ADGRV1: variants seen among roughly 807,000 people sequenced by gnomAD.
ADGRV1 encodes the protein G-protein coupled receptor 98.
ADGRV1 carries 359 observed loss-of-function variants against 596.2 expected under a neutral mutation model. The observed-to-expected ratio is 0.60, with a 90% confidence interval of 0.55 to 0.66. ADGRV1 has a LOEUF of 0.66. ADGRV1 is among the 30% of genes least tolerant of loss of function. The pLI is 0.00. For synonymous variants in ADGRV1, 2,681 were observed against 2,679.2 expected, an observed-to-expected ratio of 1.00 and a Z score of -0.02; for missense variants, 7,274 against 7,575.6, an observed-to-expected ratio of 0.96 and a Z score of 1.48.
intron 21 of ADGRV1, among the ~76,000 whole-genome samples, chr5:90,671,189 T>C (rs1287403664): frequency 6.6e-6 from 1 of 152,184 alleles, no homozygotes; most frequent in Non-Finnish European, 1.5e-5. Flanking sequence ...GTGTCCCCAA[T>C]AACTAGAATG....
chr5:90,807,097 C>A (rs551614120), intron 72 of ADGRV1, among the ~76,000 whole-genome samples: 1 of 152,158 alleles, frequency 6.6e-6, no homozygotes, highest in African/African-American at 2.4e-5. Context: ...AGAATCCGCC[C>A]TCGTCGGCCT....
chr5:90,712,220 C>A, intron 41 of ADGRV1, 67 bp from the exon 42 acceptor site: 3 of 894,546 alleles, frequency 3.4e-6, no homozygotes, highest in South Asian at 3.1e-5. Flanking sequence ...TATTTCTTTC[C>A]AAACATTCTA....
At chr5:91,118,550 G>C (rs1793045402) in intron 87 of ADGRV1, among the ~76,000 whole-genome samples, 3 of 152,050 alleles carry the variant, frequency 2.0e-5, no homozygotes, top group Admixed American at 2.0e-4. Context: ...CACTGATACT[G>C]ACTCTGAGAA....
chr5:90,809,002 A>G (rs1762173558), intron 73 of ADGRV1, among the ~76,000 whole-genome samples: 1 of 146,412 alleles, frequency 6.8e-6, no homozygotes, highest in Admixed American at 7.0e-5. Flanking sequence ...GCCGGACTGT[A>G]GTGGTGCTAG....
In ADGRV1 at chr5:90,757,129, T is replaced by C. The variant is rs777156085; in HGVS notation, c.11908T>C (p.Ser3970Pro). 1 of 1,613,934 alleles carries C rather than the reference T, an allele frequency of 6.2e-7. No homozygotes were observed. The highest frequency in any genetic ancestry group is 1.1e-5 in the South Asian group (1 of 91,074). ...DSAGLEDFKP[S>P]HGILEFADKQ... ...TGCTGGCCTGGAAGACTTTAAACCA[T>C]CTCATGGGATTCTTGAATTTGCAGA... The change falls in exon 57 of 90, where the codon TCT becomes CCT. Residue 3970 changes from serine to proline, a missense_variant. Ser to Pro is a moderately conservative substitution (Grantham distance 74). Coordinates refer to ENST00000405460, the MANE Select transcript of ADGRV1 (RefSeq NM_032119.4).
chr5:90,944,369 G>T (rs78795498), intron 83 of ADGRV1, among the ~76,000 whole-genome samples: 2,023 of 152,174 alleles, frequency 0.013, 54 homozygotes, highest in African/African-American at 0.046. Context: ...TATGATGATT[G>T]TACTGTACCT....
At chr5:91,132,562 A>G (rs1252238236) in intron 87 of ADGRV1, among the ~76,000 whole-genome samples, 2 of 152,232 alleles carry the variant, frequency 1.3e-5, no homozygotes, top group Non-Finnish European at 2.9e-5. Flanking sequence ...TAATCACACA[A>G]ATATTGTTAT....
intron 84 of ADGRV1, among the ~76,000 whole-genome samples, chr5:90,978,997 T>G (rs1182413568): frequency 6.6e-6 from 1 of 152,114 alleles, no homozygotes; most frequent in East Asian, 1.9e-4. Context: ...TGATAAGCCT[T>G]TGTAAGTTTT....
chr5:90,620,691 G>T (rs561240206), intron 4 of ADGRV1, among the ~76,000 whole-genome samples: 6 of 152,232 alleles, frequency 3.9e-5, no homozygotes, highest in East Asian at 1.9e-4. Flanking sequence ...GTCCTGAATG[G>T]TATTGCCTAG....
At chr5:90,590,755 A>T (rs1361405835) in intron 1 of ADGRV1, among the ~76,000 whole-genome samples, 1 of 152,232 alleles carries the variant, frequency 6.6e-6, no homozygotes, top group Non-Finnish European at 1.5e-5. Context: ...ATTTGAAAGT[A>T]TAATAATACA....
At chr5:90,718,712 T>A (rs936247004) in intron 43 of ADGRV1, among the ~76,000 whole-genome samples, 1 of 151,948 alleles carries the variant, frequency 6.6e-6, no homozygotes, top group South Asian at 2.1e-4. Flanking sequence ...ATATAAAAAT[T>A]CAAATTTGAA....
intron 83 of ADGRV1, among the ~76,000 whole-genome samples, chr5:90,951,431 T>G (rs1777054498): frequency 6.6e-6 from 1 of 152,198 alleles, no homozygotes; most frequent in South Asian, 2.1e-4. Context: ...TTTTTAAGTT[T>G]TAAACCTAAT....
At chr5:90,957,340 A>G (rs1179780468) in intron 83 of ADGRV1, among the ~76,000 whole-genome samples, 1 of 151,964 alleles carries the variant, frequency 6.6e-6, no homozygotes, top group Non-Finnish European at 1.5e-5. Context: ...GGTAACTATT[A>G]TTATTGTTGC....
chr5:91,148,042 C>A (rs888020201), intron 87 of ADGRV1, among the ~76,000 whole-genome samples: 1 of 152,168 alleles, frequency 6.6e-6, no homozygotes, highest in Non-Finnish European at 1.5e-5. Context: ...CCCTAGAAAT[C>A]TGTGGAACTT....
chr5:90,686,856 C>G (rs1745726935), intron 29 of ADGRV1, among the ~76,000 whole-genome samples: 1 of 152,162 alleles, frequency 6.6e-6, no homozygotes, highest in Non-Finnish European at 1.5e-5. Context: ...TCCTATTTCT[C>G]CACATCCTCT....
intron 33 of ADGRV1, 22 bp downstream of exon 33, chr5:90,694,723 A>G: frequency 6.5e-7 from 1 of 1,531,384 alleles, no homozygotes; most frequent in Non-Finnish European, 8.8e-7. Flanking sequence ...TTCTAAATGA[A>G]TTTCCGTTGC....
At chr5:90,778,718 C>A in intron 63 of ADGRV1, 109 bp downstream of exon 63, 1 of 1,065,214 alleles carries the variant, frequency 9.4e-7, no homozygotes, top group Non-Finnish European at 1.3e-6. Context: ...TTGCTCCAAA[C>A]ATCATTATTT....
At chr5:91,107,252 G>T (rs951786336) in intron 87 of ADGRV1, among the ~76,000 whole-genome samples, 2 of 152,014 alleles carry the variant, frequency 1.3e-5, no homozygotes, top group African/African-American at 4.8e-5. Flanking sequence ...AAGGGAGGTT[G>T]GTTGGTTCAA....
intron 9 of ADGRV1, chr5:90,630,232 C>T (rs1765325004): frequency 6.6e-6 from 1 of 152,184 alleles, no homozygotes; most frequent in African/African-American, 2.4e-5. Context: ...CTCCTGACCT[C>T]AGATGATCCA....
Sources: gnomAD v4.1 joint callset for allele counts (sites outside exome capture counted in the v4.1 genomes callset) on GRCh38, gnomAD v4.1.1 for gene constraint, MANE v1.5 for transcripts, NCBI Gene and HGNC (gene_info 2026-07-23, HGNC 2026-07-21) for gene names.